Variants in IQGAP2 observed in about 807,000 individuals in gnomAD.
IQGAP2 encodes IQ motif containing GTPase activating protein 2.
A neutral mutation model predicts 201.3 loss-of-function variants in IQGAP2; 173 were observed. The ratio of observed to expected loss-of-function variants is 0.86; its 90% CI spans 0.76 to 0.98. IQGAP2 has a LOEUF of 0.98. Among genes scored for constraint, IQGAP2 ranks in the 50% least tolerant of loss-of-function variants. The pLI is 0.00. For synonymous variants in IQGAP2, 675 were observed against 673.9 expected (o/e 1.00, Z -0.03); for missense variants, 1,687 against 1,864.8 (o/e 0.90, Z 1.76).
At chr5:76,666,596 C>T (rs1743775006) in intron 22 of IQGAP2, among the ~76,000 whole-genome samples, 1 of 152,218 alleles carries the variant, frequency 6.6e-6, no homozygotes, top group African/African-American at 2.4e-5. Context: ...AAGGGTGCAA[C>T]CATTCAGTTG....
At chr5:76,610,096 ATATATATATATATATATATTT>A (rs1748194151) in intron 12 of IQGAP2, among the ~76,000 whole-genome samples, 1 of 11,518 alleles carries the variant, frequency 8.7e-5, no homozygotes, top group Non-Finnish European at 1.8e-4. Flanking sequence ...ATATATATAT[ATATATATATATATATATATTT>A]TTTTTTTTTT....
chr5:76,464,388 T>C (rs982283986), intron 2 of IQGAP2, among the ~76,000 whole-genome samples: 1 of 152,258 alleles, frequency 6.6e-6, no homozygotes, highest in African/African-American at 2.4e-5. Flanking sequence ...ATTGGGTTTA[T>C]TATAATGCAC....
chr5:76,403,313 G>A lies in IQGAP2; in HGVS notation c.-233G>A, dbSNP rs1750611413. On this transcript the variant is annotated 5_prime_UTR_variant, in exon 1 of 36. Coordinates refer to ENST00000274364, the MANE Select transcript of IQGAP2 (RefSeq NM_006633.5). The surrounding 1 kb of genome is among the most constrained non-coding windows in gnomAD (Gnocchi z 4.8). ...CCTGCTGCGGGAGGCGGCGGCGACC[G>A]GCCAGGGAGCGAGGGAGGAGAGTTC... 2 of 360,606 alleles carry A rather than the reference G, an allele frequency of 5.5e-6. No individual in the cohort carries two copies. The highest frequency in any genetic ancestry group is 7.4e-4 in the Middle Eastern group (1 of 1,354). 22.3% of individuals were successfully genotyped at this position (360,606 alleles called of 1,614,324 possible).
intron 2 of IQGAP2, among the ~76,000 whole-genome samples, chr5:76,490,335 T>G (rs1184183584): frequency 6.6e-6 from 1 of 152,204 alleles, no homozygotes; most frequent in Non-Finnish European, 1.5e-5. Context: ...GCTGGTACTT[T>G]GAGGGGAGAA....
At chr5:76,610,639 T>G (rs964305324) in intron 12 of IQGAP2, among the ~76,000 whole-genome samples, 4 of 152,130 alleles carry the variant, frequency 2.6e-5, no homozygotes, top group Admixed American at 6.5e-5. Context: ...TAGGTCAATT[T>G]AAGAAGTATT....
intron 8 of IQGAP2, 53 bp from the exon 9 acceptor site, chr5:76,592,785 T>A: frequency 1.7e-6 from 2 of 1,179,036 alleles, no homozygotes. Flanking sequence ...GAATTTCGAG[T>A]TTTGGAAATA....
At chr5:76,530,474 T>C (rs1759230503) in intron 2 of IQGAP2, among the ~76,000 whole-genome samples, 1 of 152,218 alleles carries the variant, frequency 6.6e-6, no homozygotes, top group Non-Finnish European at 1.5e-5. Flanking sequence ...TTTCCTAATT[T>C]CTCCAAACTG....
intron 2 of IQGAP2, among the ~76,000 whole-genome samples, chr5:76,515,872 CTTTTTTTTTTTTT>C (rs71604295): frequency 2.9e-5 from 3 of 102,762 alleles, no homozygotes; most frequent in Non-Finnish European, 5.7e-5. Flanking sequence ...AGGGGGTGAT[CTTTTTTTTTTTTT>C]TTTTTTTTTT....
At chr5:76,473,972 G>A (rs1755269261) in intron 2 of IQGAP2, among the ~76,000 whole-genome samples, 1 of 152,176 alleles carries the variant, frequency 6.6e-6, no homozygotes, top group Admixed American at 6.5e-5. Flanking sequence ...AAGCTGGTGG[G>A]GGAGAACATT....
chr5:76,450,928 G>T (rs34590851), intron 1 of IQGAP2, among the ~76,000 whole-genome samples: 23,547 of 151,552 alleles, frequency 0.16, 2,143 homozygotes, highest in Middle Eastern at 0.24. Flanking sequence ...TTTTTAAATT[G>T]CCCTGAATCA....
rs74528516 is a variant in IQGAP2 at position 76,548,861 on chromosome 5, C to T, written c.147-13535C>T. ...TATGTAAATATTTACATAGCCCCTACTAAATGCCATTTAAGAGTGTATCTA... is the reference window on the plus strand; with the variant it reads ...TATGTAAATATTTACATAGCCCCTATTAAATGCCATTTAAGAGTGTATCTA... On this transcript the variant is annotated intron_variant, in intron 2 of 35. Transcript: ENST00000274364. Among the ~76,000 whole-genome samples the T allele has an allele frequency of 5.6e-3, 846 of 152,254 alleles. 7 individuals carry two copies. Among genetic ancestry groups the T allele is most frequent in the East Asian group, 0.018 (94 of 5,184 alleles).
At chr5:76,690,745 G>C (rs1160277214) in intron 30 of IQGAP2, among the ~76,000 whole-genome samples, 1 of 152,104 alleles carries the variant, frequency 6.6e-6, no homozygotes, top group East Asian at 1.9e-4. Flanking sequence ...GTAAAAAATT[G>C]ATGAAATATT....
At chr5:76,539,684 T>C (rs767497203) in intron 2 of IQGAP2, among the ~76,000 whole-genome samples, 3 of 152,142 alleles carry the variant, frequency 2.0e-5, no homozygotes, top group Non-Finnish European at 2.9e-5. Context: ...GAAGAGGGGC[T>C]GTGGTCAGGT....
chr5:76,683,071 G>A, intron 28 of IQGAP2, 44 bp from the exon 29 acceptor site: 1 of 1,227,972 alleles, frequency 8.1e-7, no homozygotes, highest in Non-Finnish European at 1.2e-6. Flanking sequence ...GTACAGTTGA[G>A]AATTTACTTT....
At chr5:76,693,696 G>T in intron 31 of IQGAP2, 1 of 323,744 alleles carries the variant, frequency 3.1e-6, no homozygotes, top group Non-Finnish European at 5.7e-6. Flanking sequence ...TGATAGTTCT[G>T]GGTTTTTCAA....
chr5:76,586,477 CAT>C (rs1309192389), intron 5 of IQGAP2, among the ~76,000 whole-genome samples: 1 of 152,280 alleles, frequency 6.6e-6, no homozygotes, highest in East Asian at 1.9e-4. Context: ...TCGTGGAAGA[CAT>C]ATGAATGGCC....
At chr5:76,464,264 C>A (rs1754652496) in intron 2 of IQGAP2, among the ~76,000 whole-genome samples, 1 of 152,202 alleles carries the variant, frequency 6.6e-6, no homozygotes, top group Non-Finnish European at 1.5e-5. Context: ...GCACAGAAAA[C>A]TCATGGTCTT....
At chr5:76,578,121 G>C (rs2150285849) in intron 5 of IQGAP2, among the ~76,000 whole-genome samples, 1 of 152,218 alleles carries the variant, frequency 6.6e-6, no homozygotes, top group East Asian at 1.9e-4. Flanking sequence ...TTGTATCTGT[G>C]TTCCCCTTTG....
chr5:76,688,671 G>T (rs1309028305), intron 30 of IQGAP2, among the ~76,000 whole-genome samples: 1 of 151,966 alleles, frequency 6.6e-6, no homozygotes, highest in African/African-American at 2.4e-5. Flanking sequence ...AATCTGAAAA[G>T]ATAAAAAATC....
Sources: allele counts gnomAD v4.1 joint callset (sites outside exome capture counted in the v4.1 genomes callset), GRCh38; gene constraint gnomAD v4.1.1; non-coding constraint Gnocchi (gnomAD v3.1); transcripts MANE v1.5; gene names NCBI Gene and HGNC (gene_info 2026-07-23, HGNC 2026-07-21).